AK6: variants seen among roughly 807,000 people sequenced by gnomAD.
AK6 encodes the protein adenylate kinase isoenzyme 6.
Under a neutral mutation model 23.7 loss-of-function variants are expected in AK6, and 24 were observed. The ratio of observed to expected loss-of-function variants is 1.01; its 90% CI spans 0.73 to 1.43. The LOEUF (loss-of-function observed/expected upper bound fraction) is 1.43, where lower values mean the gene tolerates loss of function less well. Ranked by LOEUF, AK6 falls within the 40% of genes most tolerant of loss-of-function variation. The probability of loss-of-function intolerance (pLI) is 0.00; values close to 1 mark genes in which losing one functional copy is unlikely to be tolerated. For missense variants in AK6, 191 were observed against 199.1 expected, an observed-to-expected ratio of 0.96 and a Z score of 0.24; for synonymous variants, 73 against 69.8, an observed-to-expected ratio of 1.05 and a Z score of -0.23.
chr5:69,358,445 C>T (rs934142143), intron 2 of AK6, among the ~76,000 whole-genome samples: 17 of 144,438 alleles, frequency 1.2e-4, no homozygotes, highest in Admixed American at 9.4e-4. Context: ...CGCTTGAACC[C>T]GGGAGGAGGC....
chr5:69,366,566 C>T lies in AK6; in HGVS notation c.58G>A (p.Gly20Ser). ...GTPGVGKTTL[G>S]KELASKSGLK... is the part of the protein sequence containing the mutation. Reference sequence around the variant, plus strand: ...CCTGATTTTGACGCAAGTTCTTTGCCTAGTGTGGTTTTTCCAACCCCTGGT... The same window carrying T: ...CCTGATTTTGACGCAAGTTCTTTGCTTAGTGTGGTTTTTCCAACCCCTGGT... The change falls in exon 2 of 5, where the codon GGC (glycine) becomes AGC (serine). Residue 20 changes from glycine (G) to serine (S), a missense_variant. Physicochemically the swap from Gly to Ser is moderately conservative, Grantham distance 56. Transcript: ENST00000380822. 3 of 1,614,060 alleles carry T rather than the reference C, an allele frequency of 1.9e-6. No homozygotes were observed. The highest frequency in any genetic ancestry group is 2.5e-6 in the Non-Finnish European group (3 of 1,180,010).
intron 4 of AK6, among the ~76,000 whole-genome samples, chr5:69,352,947 G>T (rs1425648537): frequency 6.6e-6 from 1 of 152,128 alleles, no homozygotes; most frequent in Non-Finnish European, 1.5e-5. Context: ...ACATGTGCAA[G>T]AATGTTTATG....
intron 4 of AK6, 82 bp from the exon 5 acceptor site, chr5:69,352,335 C>T: frequency 2.7e-6 from 3 of 1,116,638 alleles, no homozygotes; most frequent in Non-Finnish European, 3.9e-6. Context: ...AGAAACTGGA[C>T]ACTTTTCAAT....
chr5:69,362,040 C>G (rs1762255283), intron 2 of AK6, among the ~76,000 whole-genome samples: 1 of 143,730 alleles, frequency 7.0e-6, no homozygotes, highest in African/African-American at 2.6e-5. Context: ...TACTGCAATT[C>G]CACATGATCA....
At chr5:69,360,778 A>AT (rs1020868524) in intron 2 of AK6, among the ~76,000 whole-genome samples, 4 of 152,230 alleles carry the variant, frequency 2.6e-5, no homozygotes, top group East Asian at 1.9e-4. Context: ...AGGGATCAGC[A>AT]TTTTTTCTTT....
In AK6 at chr5:69,355,791, C is replaced by T. The variant is rs771867349; in HGVS notation, c.184G>A (p.Val62Ile). ...DCPILDEDRV[V>I]DELDNQMREG... is the part of the protein sequence containing the mutation. The stretch of plus-strand genomic sequence containing the variant: ...CTCATTTGGTTATCTAACTCATCAA[C>T]TACCTGTAAGAAAAGTTTAAAAAAA... The change falls in exon 4 of 5, where the codon GTT (valine) becomes ATT (isoleucine). Residue 62 changes from valine (V) to isoleucine (I), a missense_variant. Val to Ile is a conservative substitution (Grantham distance 29). Coordinates refer to ENST00000380822, the MANE Select transcript of AK6 (RefSeq NM_016283.5). The T allele has an allele frequency of 1.2e-6, 2 of 1,601,344 alleles. No homozygotes were observed. The highest frequency in any genetic ancestry group is 3.5e-5 in the Admixed American group (2 of 56,400).
upstream of AK6, chr5:69,369,673 C>G: frequency 6.4e-7 from 1 of 1,556,490 alleles, no homozygotes; most frequent in Non-Finnish European, 8.7e-7. Context: ...TTCGATGACA[C>G]ATTTCCGTCG....
chr5:69,365,721 G>A (rs4252233), intron 2 of AK6: 24,737 of 1,555,258 alleles, frequency 0.016, 263 homozygotes, highest in Non-Finnish European at 0.019. Context: ...GGGAGAAGCC[G>A]TCTTGCCAGA....
rs370234616 is a variant in AK6, at chr5:69,355,531, A to AAAAAC, written c.326+113_326+117dup. ...GGGTGACAGCGAGACTCTATCTCAA[A>AAAAAC]AAAACAAAACAAAACAAAACAAAAC... On this transcript the variant is annotated intron_variant, in intron 4 of 4. Coordinates refer to ENST00000380822, the MANE Select transcript of AK6 (RefSeq NM_016283.5). The AAAAAC allele has an allele frequency of 3.8e-4, 457 of 1,218,132 alleles. 1 individual carries two copies. The African/African-American group carries it at 4.8e-3, about 13-fold the overall frequency. The allele number at this position is 1,218,132 out of a possible 1,614,324, so 75.5% of individuals were successfully genotyped here.
At chr5:69,365,247 G>A (rs1762369329) in intron 2 of AK6, 7 of 1,614,078 alleles carry the variant, frequency 4.3e-6, no homozygotes, top group Non-Finnish European at 5.9e-6. Context: ...TGGGGTTGGT[G>A]TGCCTAGTGT....
At position 69,359,860 on chromosome 5, in the gene AK6, T is replaced by C. The variant is rs1384068957; in HGVS notation, c.122-3907A>G. On this transcript the variant is annotated intron_variant, in intron 2 of 4. Coordinates refer to ENST00000380822, the MANE Select transcript of AK6 (RefSeq NM_016283.5). ...TTAGAGTGATTGGGTGCCTTTAAAA[T>C]ACCTGGCTTTTTATGCGAAAAGAAA... Among the ~76,000 whole-genome samples, 3 of 152,332 alleles carry C rather than the reference T, an allele frequency of 2.0e-5. No homozygotes were observed. In the East Asian group the frequency reaches 5.8e-4, roughly 29 times the overall value.
intron 2 of AK6, among the ~76,000 whole-genome samples, chr5:69,359,654 T>C (rs980991043): frequency 1.3e-5 from 2 of 152,202 alleles, no homozygotes; most frequent in African/African-American, 2.4e-5. Context: ...CTAGAACTTA[T>C]ATACACTCAA....
upstream of AK6, chr5:69,369,550 A>T: frequency 6.2e-7 from 1 of 1,609,544 alleles, no homozygotes. Flanking sequence ...TACAGGGAGG[A>T]GCCGGAAGGG....
In AK6 at chr5:69,351,225, C is replaced by T. The variant is rs933787066; in HGVS notation, c.*836G>A. 6.6e-6 allele frequency: 1 copy of T among 151,784 alleles called. No homozygotes were observed. Among genetic ancestry groups the T allele is most frequent in the Non-Finnish European group, 1.5e-5 (1 of 68,028 alleles). The allele number at this position is 151,784 out of a possible 1,614,324, so 9.4% of individuals were successfully genotyped here. A position where few individuals can be genotyped will look rare whatever the true frequency, so the allele number is the denominator to read the frequency against. ...TGTTTATTTTTAGAGTCTAAGGTCTCACTATGTTGCCCAGGCTGGTCTTGA... is the reference window on the plus strand; with the variant it reads ...TGTTTATTTTTAGAGTCTAAGGTCTTACTATGTTGCCCAGGCTGGTCTTGA... On this transcript the variant is annotated 3_prime_UTR_variant, in exon 5 of 5. Coordinates refer to ENST00000380822, the MANE Select transcript of AK6 (RefSeq NM_016283.5).
Position 69,355,717 on chromosome 5 carries a change from T to C in AK6, c.258A>G (p.Glu86=), listed in dbSNP as rs1390568659. 1 of 1,613,866 alleles carries C rather than the reference T, an allele frequency of 6.2e-7. No homozygotes were observed. The highest frequency in any genetic ancestry group is 8.5e-7 in the Non-Finnish European group (1 of 1,179,982). Residue 86 remains glutamate (E), a synonymous_variant, in exon 4 of 5, where the codon GAA becomes GAG. Transcript: ENST00000380822. ...GCACAAAAACTATATGAAACCAGCG[T>C]TCAGGGAAGAAATCACAACCATGGT... The part of the protein sequence containing the change: ...VDYHGCDFFP[E]RWFHIVFVLR...
At chr5:69,353,161 T>G (rs1290513006) in intron 4 of AK6, among the ~76,000 whole-genome samples, 1 of 152,194 alleles carries the variant, frequency 6.6e-6, no homozygotes, top group African/African-American at 2.4e-5. Context: ...ACATCCTGTA[T>G]GATTTCATTC....
intron 2 of AK6, among the ~76,000 whole-genome samples, chr5:69,356,347 A>AGATT (rs1762083513): frequency 6.6e-6 from 1 of 152,142 alleles, no homozygotes; most frequent in South Asian, 2.1e-4. Context: ...ATTTAAAAGC[A>AGATT]GATTAATTTA....
At chr5:69,365,210 T>C in intron 2 of AK6, 5 of 1,614,214 alleles carry the variant, frequency 3.1e-6, no homozygotes, top group Non-Finnish European at 4.2e-6. Flanking sequence ...TGGGAGTCCC[T>C]ACTTTAGTTG....
At chr5:69,366,687 G>A in intron 1 of AK6, 92 bp from the exon 2 acceptor site, 1 of 929,766 alleles carries the variant, frequency 1.1e-6, no homozygotes, top group South Asian at 1.3e-5. Flanking sequence ...TTTTGAGACA[G>A]AGTCTCACCT....
Sources: allele counts gnomAD v4.1 joint callset (sites outside exome capture counted in the v4.1 genomes callset), GRCh38; gene constraint gnomAD v4.1.1; transcripts MANE v1.5; gene names NCBI Gene and HGNC (gene_info 2026-07-23, HGNC 2026-07-21).